HP1BP3: variants seen among roughly 807,000 people sequenced by gnomAD.
HP1BP3 encodes heterochromatin protein 1 binding protein 3.
In HP1BP3, 12 loss-of-function variants were observed where a neutral mutation model predicts 62.5. That is an observed-to-expected ratio of 0.19 (90% CI 0.12 to 0.31). The LOEUF (loss-of-function observed/expected upper bound fraction) is 0.31, where lower values mean the gene tolerates loss of function less well. HP1BP3 is among the 10% of genes least tolerant of loss of function. HP1BP3 has a pLI of 1.00. For missense variants in HP1BP3, 502 were observed against 651.8 expected (o/e 0.77, Z 2.50); for synonymous variants, 260 against 237.8 (o/e 1.09, Z -0.86).
At chr1:20,748,072 A>AG (rs35600928) in intron 10 of HP1BP3, among the ~76,000 whole-genome samples, 2 of 151,966 alleles carry the variant, frequency 1.3e-5, no homozygotes, top group East Asian at 1.9e-4. Context: ...CTTATTTCAC[A>AG]GGGAAAAAAA....
In HP1BP3 at chr1:20,741,953, A is replaced by G. The variant is rs1052400483; in HGVS notation, c.*2844T>C. On this transcript the variant is annotated 3_prime_UTR_variant, in exon 13 of 13. Transcript: ENST00000438032. ...TTTTATCTCAATGTAAGTAAGGCGT[A>G]TGTCTTTGACAGTTGTGGATGTTCG... Among the ~76,000 whole-genome samples the G allele has an allele frequency of 6.6e-6, 1 of 152,242 alleles. No homozygotes were observed. The highest frequency in any genetic ancestry group is 1.5e-5 in the Non-Finnish European group (1 of 68,036).
chr1:20,752,203 A>C (rs2055807937), intron 9 of HP1BP3, among the ~76,000 whole-genome samples: 1 of 151,966 alleles, frequency 6.6e-6, no homozygotes. Flanking sequence ...TGGAGGTTGC[A>C]GTAAGCCGAG....
At position 20,756,474 on chromosome 1, in the gene HP1BP3, G is replaced by A. The variant is rs147238468; in HGVS notation, c.981+692C>T. Among the ~76,000 whole-genome samples the A allele has an allele frequency of 5.9e-3, 897 of 152,018 alleles. 33 individuals carry two copies. The highest frequency in any genetic ancestry group is 0.05 in the Admixed American group (756 of 15,272). ...AATCCCAGCACTTTGGGAGGCTGAC[G>A]CTGGAGGACCCCTTGAACCTGGGAG... On this transcript the variant is annotated intron_variant, in intron 9 of 12. Coordinates refer to ENST00000438032, the MANE Select transcript of HP1BP3 (RefSeq NM_001372052.1).
intron 9 of HP1BP3, chr1:20,755,366 G>C (rs931872940): frequency 4.4e-6 from 2 of 453,510 alleles, no homozygotes; most frequent in Non-Finnish European, 8.9e-6. Flanking sequence ...GAACCCAGGA[G>C]TTCAAGAGTA....
intron 4 of HP1BP3, 185 bp downstream of exon 4, chr1:20,776,412 C>G (rs2057306091): frequency 1.8e-6 from 1 of 550,922 alleles, no homozygotes; most frequent in Admixed American, 3.6e-5. Flanking sequence ...GTTCTGCTAA[C>G]TACAGCATAT....
rs139261791 is a variant in HP1BP3, at chr1:20,767,881, C to T, written c.655-217G>A. The stretch of plus-strand genomic sequence containing the variant: ...AGTAATACTGGACAACCCAGTTAAC[C>T]CTCTGAGCTTTTGTTTTCTCATCTA... On this transcript the variant is annotated intron_variant, in intron 6 of 12. Transcript: ENST00000438032. Among the ~76,000 whole-genome samples the T allele has an allele frequency of 4.6e-3, 705 of 152,168 alleles. 5 individuals carry two copies. The highest frequency in any genetic ancestry group is 0.016 in the African/African-American group (670 of 41,520).
At chr1:20,777,955 A>T (rs1363306077) in intron 3 of HP1BP3, among the ~76,000 whole-genome samples, 1 of 152,202 alleles carries the variant, frequency 6.6e-6, no homozygotes, top group African/African-American at 2.4e-5. Context: ...TAAAGATAAT[A>T]ACTACATTTA....
chr1:20,750,498 G>A (rs1360638871), intron 9 of HP1BP3, among the ~76,000 whole-genome samples: 1 of 151,660 alleles, frequency 6.6e-6, no homozygotes, highest in East Asian at 1.9e-4. Context: ...CTGAACTCCA[G>A]CCTCGGCGAC....
chr1:20,780,807 C>T (rs958482974), intron 1 of HP1BP3, among the ~76,000 whole-genome samples: 2 of 152,122 alleles, frequency 1.3e-5, no homozygotes, highest in Non-Finnish European at 2.9e-5. Flanking sequence ...AGGAACCTAA[C>T]CCCATCCCCT....
intron 11 of HP1BP3, among the ~76,000 whole-genome samples, chr1:20,746,381 G>T (rs1029508006): frequency 6.6e-6 from 1 of 152,088 alleles, no homozygotes; most frequent in East Asian, 1.9e-4. Flanking sequence ...TTGTGTGTGT[G>T]TGACTTTGGG....
chr1:20,757,369 A>ATTTT, intron 8 of HP1BP3, 113 bp from the exon 9 acceptor site: 1 of 400,554 alleles, frequency 2.5e-6, no homozygotes, highest in Non-Finnish European at 3.9e-6. Flanking sequence ...TATTATTATT[A>ATTTT]TTATTTTTTT....
intron 8 of HP1BP3, among the ~76,000 whole-genome samples, chr1:20,760,585 G>A (rs1345306896): frequency 6.6e-6 from 1 of 151,234 alleles, no homozygotes; most frequent in Non-Finnish European, 1.5e-5. Flanking sequence ...GCTCACGTCT[G>A]TAATCCTTTG....
intron 9 of HP1BP3, among the ~76,000 whole-genome samples, chr1:20,752,343 G>A (rs1276095635): frequency 6.6e-6 from 1 of 151,676 alleles, no homozygotes; most frequent in Non-Finnish European, 1.5e-5. Context: ...TGCCCAGGCT[G>A]GAGTGTAATG....
chr1:20,749,652 C>G, intron 10 of HP1BP3, 71 bp downstream of exon 10: 2 of 1,442,294 alleles, frequency 1.4e-6, no homozygotes, highest in Non-Finnish European at 1.9e-6. Context: ...AGCCACAGTG[C>G]CTGGCCCTCC....
At chr1:20,786,897 G>C (rs2057866756) in intron 1 of HP1BP3, among the ~76,000 whole-genome samples, 1 of 151,990 alleles carries the variant, frequency 6.6e-6, no homozygotes, top group South Asian at 2.1e-4. Flanking sequence ...GGCCAGAGAA[G>C]AGCTCCCCCT....
intron 7 of HP1BP3, 143 bp downstream of exon 7, chr1:20,767,441 A>C: frequency 1.4e-6 from 1 of 708,472 alleles, no homozygotes; most frequent in Non-Finnish European, 2.5e-6. Flanking sequence ...TAGAGGAACA[A>C]ATTATTTATA....
intron 1 of HP1BP3, among the ~76,000 whole-genome samples, chr1:20,781,599 G>A (rs2057551033): frequency 2.0e-5 from 3 of 152,104 alleles, no homozygotes; most frequent in Non-Finnish European, 4.4e-5. Context: ...CTCATACTTA[G>A]GGAACCAGAA....
chr1:20,752,809 A>G (rs1167695539), intron 9 of HP1BP3, among the ~76,000 whole-genome samples: 1 of 152,246 alleles, frequency 6.6e-6, no homozygotes, highest in East Asian at 1.9e-4. Flanking sequence ...GAATGTCTTT[A>G]GAATATTTTA....
intron 3 of HP1BP3, 100 bp from the exon 4 acceptor site, chr1:20,776,850 C>G: frequency 2.1e-6 from 2 of 954,702 alleles, no homozygotes; most frequent in Non-Finnish European, 3.0e-6. Flanking sequence ...GCCAAAGTCT[C>G]CAATTAACAA....
Sources: gnomAD v4.1 joint callset for allele counts (sites outside exome capture counted in the v4.1 genomes callset) on GRCh38, gnomAD v4.1.1 for gene constraint, MANE v1.5 for transcripts, NCBI Gene and HGNC (gene_info 2026-07-23, HGNC 2026-07-21) for gene names.